The following DAB1 variants were observed in gnomAD, a reference collection of about 807,000 sequenced individuals.
DAB1 encodes DAB adaptor protein 1, also known as disabled homolog 1.
DAB1 carries 15 observed loss-of-function variants against 64.6 expected under a neutral mutation model. That is an observed-to-expected ratio of 0.23 (90% CI 0.16 to 0.36). The LOEUF (loss-of-function observed/expected upper bound fraction) is 0.36. Ranked by LOEUF, DAB1 falls within the 10% of genes least tolerant of loss-of-function variation. The probability of loss-of-function intolerance (pLI) is 1.00; values close to 1 mark genes in which losing one functional copy is unlikely to be tolerated. For missense variants in DAB1, 596 were observed against 706.7 expected (o/e 0.84, Z 1.78); for synonymous variants, 235 against 251.9 (o/e 0.93, Z 0.64).
At chr1:57,960,303 C>A (rs1645487600) in intron 5 of DAB1, among the ~76,000 whole-genome samples, 1 of 152,098 alleles carries the variant, frequency 6.6e-6, no homozygotes, top group Non-Finnish European at 1.5e-5. Flanking sequence ...ACTGTCTGAG[C>A]CCAAAATTTC....
intron 3 of DAB1, among the ~76,000 whole-genome samples, chr1:58,347,014 G>A (rs1319785102): frequency 2.0e-5 from 3 of 152,130 alleles, no homozygotes; most frequent in Non-Finnish European, 4.4e-5. Flanking sequence ...ATGACTCATT[G>A]GGTTGCTGCC....
intron 1 of DAB1, among the ~76,000 whole-genome samples, chr1:57,411,072 G>A (rs974522148): frequency 3.3e-5 from 5 of 152,162 alleles, no homozygotes; most frequent in Admixed American, 3.3e-4. Flanking sequence ...AATGGCACAA[G>A]GGATACCAGA....
intron 7 of DAB1, among the ~76,000 whole-genome samples, chr1:57,559,311 T>A (rs565024180): frequency 6.6e-6 from 1 of 152,296 alleles, no homozygotes; most frequent in African/African-American, 2.4e-5. Context: ...AATCACAGTC[T>A]CTCAATTTCC....
At chr1:58,361,063 C>T (rs1644159451) in intron 3 of DAB1, among the ~76,000 whole-genome samples, 1 of 152,112 alleles carries the variant, frequency 6.6e-6, no homozygotes, top group Admixed American at 6.5e-5. Context: ...TAATGAATGC[C>T]CATGAACCCA....
chr1:57,982,887 A>G (rs1344588576), intron 5 of DAB1, among the ~76,000 whole-genome samples: 1 of 152,148 alleles, frequency 6.6e-6, no homozygotes, highest in East Asian at 1.9e-4. Flanking sequence ...ACTTTCACCA[A>G]TATTTTCTCA....
intron 5 of DAB1, among the ~76,000 whole-genome samples, chr1:57,896,278 A>G (rs1644390529): frequency 6.6e-6 from 1 of 152,114 alleles, no homozygotes; most frequent in Non-Finnish European, 1.5e-5. Flanking sequence ...GGAAAGTCCT[A>G]TATCAGTGCT....
At chr1:57,408,602 C>T (rs1052718571) in intron 1 of DAB1, among the ~76,000 whole-genome samples, 1 of 152,180 alleles carries the variant, frequency 6.6e-6, no homozygotes, top group South Asian at 2.1e-4. Flanking sequence ...ACTCACACAG[C>T]TTGCCTTGCC....
rs763094990 is a variant in DAB1, at chr1:57,674,809, ATAAC to A, written n.552-25148_552-25145del. The stretch of plus-strand genomic sequence containing the variant: ...TGTTCTCCCCTTGGAGACCCCAAGA[ATAAC>A]TAACAGATAATCAGCATTCAGATTA... On this transcript the variant is annotated intron_variant and non_coding_transcript_variant, in intron 6 of 20. Coordinates refer to the DAB1 transcript ENST00000485760. 9.8e-5 allele frequency among the ~76,000 whole-genome samples: 15 copies of A among 152,368 alleles called. No homozygotes were observed. The East Asian group carries it at 2.7e-3, about 27-fold the overall frequency.
At chr1:57,702,550 C>T (rs1214129708) in intron 6 of DAB1, among the ~76,000 whole-genome samples, 1 of 152,096 alleles carries the variant, frequency 6.6e-6, no homozygotes. Flanking sequence ...TAAAGGTATG[C>T]CATGATGTTA....
At chr1:57,653,919 A>G (rs1223720470) in intron 6 of DAB1, among the ~76,000 whole-genome samples, 1 of 152,154 alleles carries the variant, frequency 6.6e-6, no homozygotes, top group Non-Finnish European at 1.5e-5. Context: ...CCTATTAGAT[A>G]TTGCTCTACA....
At chr1:57,150,878 T>C (rs74074218) in intron 2 of DAB1, among the ~76,000 whole-genome samples, 8,402 of 152,196 alleles carry the variant, frequency 0.055, 776 homozygotes, top group African/African-American at 0.19. Context: ...CCCCAGAGCC[T>C]ATACTGGTGG....
At chr1:57,536,615 G>A (rs77422236) in intron 7 of DAB1, among the ~76,000 whole-genome samples, 7 of 141,058 alleles carry the variant, frequency 5.0e-5, no homozygotes, top group Non-Finnish European at 7.5e-5. Context: ...CTGACATCCA[G>A]AAAAAAAAAA....
At chr1:58,317,572 G>C (rs887017105) in intron 4 of DAB1, among the ~76,000 whole-genome samples, 2 of 152,208 alleles carry the variant, frequency 1.3e-5, no homozygotes, top group African/African-American at 4.8e-5. Context: ...TGCCCCCCTG[G>C]CTTGACAGCC....
intron 6 of DAB1, among the ~76,000 whole-genome samples, chr1:57,726,451 A>C (rs3131726): frequency 0.78 from 119,253 of 152,028 alleles, 47,261 homozygotes; most frequent in East Asian, 0.96. Flanking sequence ...GGAAATGTAA[A>C]CTAGTTCTAC....
intron 1 of DAB1, among the ~76,000 whole-genome samples, chr1:57,853,573 T>C (rs1232906614): frequency 7.1e-6 from 1 of 141,190 alleles, no homozygotes; most frequent in Non-Finnish European, 1.6e-5. Flanking sequence ...TCAACATGTG[T>C]TTAAAATTAA....
At chr1:57,604,665 C>T (rs574871721) in intron 7 of DAB1, among the ~76,000 whole-genome samples, 4 of 152,326 alleles carry the variant, frequency 2.6e-5, no homozygotes, top group African/African-American at 9.6e-5. Flanking sequence ...CCAACATATT[C>T]AACCTCTCCA....
At chr1:57,299,601 G>A (rs942516701) in intron 1 of DAB1, among the ~76,000 whole-genome samples, 1 of 151,724 alleles carries the variant, frequency 6.6e-6, no homozygotes, top group Admixed American at 6.6e-5. Context: ...AAACTCCTAG[G>A]GTATGAGAAA....
chr1:58,140,929 T>C (rs114146803), intron 5 of DAB1, among the ~76,000 whole-genome samples: 7,534 of 152,222 alleles, frequency 0.049, 210 homozygotes, highest in Admixed American at 0.078. Context: ...AAGCTTCCTG[T>C]ACTAGTCCGT....
At chr1:57,135,614 T>C (rs1658014320) in intron 4 of DAB1, among the ~76,000 whole-genome samples, 1 of 152,232 alleles carries the variant, frequency 6.6e-6, no homozygotes, top group South Asian at 2.1e-4. Context: ...GTAATTTTTC[T>C]ATACCTTTTT....
Sources: allele counts gnomAD v4.1 joint callset (sites outside exome capture counted in the v4.1 genomes callset), GRCh38; gene constraint gnomAD v4.1.1; transcripts MANE v1.5; gene names NCBI Gene and HGNC (gene_info 2026-07-23, HGNC 2026-07-21).